The following ANXA2 variants were observed in gnomAD, a reference collection of about 807,000 sequenced individuals.
ANXA2 encodes the protein annexin II.
ANXA2 carries 28 observed loss-of-function variants against 47.3 expected under a neutral mutation model. The ratio of observed to expected loss-of-function variants is 0.59; its 90% CI spans 0.44 to 0.81. The LOEUF is 0.81. Among genes scored for constraint, ANXA2 ranks in the 40% least tolerant of loss-of-function variants. ANXA2 has a pLI of 0.00. For missense variants in ANXA2, 384 were observed against 414.3 expected, an observed-to-expected ratio of 0.93 and a Z score of 0.64; for synonymous variants, 172 against 155.5, an observed-to-expected ratio of 1.11 and a Z score of -0.79.
chr15:60,397,086 C>T (rs750672136), intron 1 of ANXA2, among the ~76,000 whole-genome samples: 4 of 152,152 alleles, frequency 2.6e-5, no homozygotes, highest in Non-Finnish European at 5.9e-5. Flanking sequence ...TCTCAACAGC[C>T]GGCTGATGGA....
chr15:60,392,941 C>CT (rs1491169192), intron 1 of ANXA2: 27 of 753,258 alleles, frequency 3.6e-5, no homozygotes, highest in Admixed American at 2.0e-4. Flanking sequence ...GAATTTTAAA[C>CT]TAAAAAAAAA....
At chr15:60,386,005 T>C (rs759404402) in intron 2 of ANXA2, 23 bp downstream of exon 2, 7 of 1,582,894 alleles carry the variant, frequency 4.4e-6, no homozygotes, top group Admixed American at 1.8e-5. Context: ...AAAAATTATA[T>C]AAAGTGAAAG....
At chr15:60,359,155 C>A (rs1051640062) in intron 5 of ANXA2, among the ~76,000 whole-genome samples, 1 of 152,160 alleles carries the variant, frequency 6.6e-6, no homozygotes, top group African/African-American at 2.4e-5. Flanking sequence ...ACTGTGATAG[C>A]TAATGGAAGA....
At chr15:60,374,257 T>C (rs2062748246) in intron 3 of ANXA2, among the ~76,000 whole-genome samples, 1 of 152,182 alleles carries the variant, frequency 6.6e-6, no homozygotes, top group African/African-American at 2.4e-5. Flanking sequence ...ATTATATTTC[T>C]GAAACAAGCT....
At chr15:60,366,617 C>T (rs190147861) in intron 3 of ANXA2, among the ~76,000 whole-genome samples, 1 of 145,084 alleles carries the variant, frequency 6.9e-6, no homozygotes, top group Non-Finnish European at 1.5e-5. Context: ...CGGCAACCAC[C>T]CCGTCTGGGA....
chr15:60,390,309 AT>A (rs1414353145), intron 1 of ANXA2: 2 of 1,052,790 alleles, frequency 1.9e-6, no homozygotes, highest in Non-Finnish European at 2.3e-6. Flanking sequence ...AATGGCAAAC[AT>A]TTTCACCCTA....
At chr15:60,385,324 T>A (rs552538896) in intron 2 of ANXA2, among the ~76,000 whole-genome samples, 1 of 152,160 alleles carries the variant, frequency 6.6e-6, no homozygotes, top group African/African-American at 2.4e-5. Context: ...TCCCAGCACT[T>A]TGGGAGGCCA....
At chr15:60,378,646 A>G (rs976839936) in intron 3 of ANXA2, among the ~76,000 whole-genome samples, 1 of 152,202 alleles carries the variant, frequency 6.6e-6, no homozygotes, top group African/African-American at 2.4e-5. Flanking sequence ...TGCAAAACCT[A>G]CTTACTCTCT....
intron 1 of ANXA2, among the ~76,000 whole-genome samples, chr15:60,397,676 T>C (rs553756745): frequency 6.8e-6 from 1 of 147,986 alleles, no homozygotes; most frequent in South Asian, 2.2e-4. Flanking sequence ...CTAGGGCTTC[T>C]TAGAGAAGCC....
intron 3 of ANXA2, among the ~76,000 whole-genome samples, chr15:60,379,161 C>T (rs2062821130): frequency 6.6e-6 from 1 of 151,762 alleles, no homozygotes; most frequent in Non-Finnish European, 1.5e-5. Context: ...CACCTGTAAT[C>T]CCAGCTACTC....
Position 60,349,101 on chromosome 15 carries a change from C to G in ANXA2, c.934G>C (p.Gly312Arg), listed in dbSNP as rs61731031. Residue 312 changes from glycine to arginine, a missense_variant, in exon 12 of 13, where the codon GGC becomes CGC. Coordinates refer to ENST00000451270, the MANE Select transcript of ANXA2 (RefSeq NM_004039.3). ...TGGATATAATAGTACAGGGACTTGC[C>G]GTACTTTCTCTTGAATTCAGACCTA... ...KIRSEFKRKY[G>R]KSLYYYIQQD... 2.5e-6 allele frequency: 4 copies of G among 1,614,034 alleles called. No individual in the cohort carries two copies. Among genetic ancestry groups the G allele is most frequent in the Non-Finnish European group, 3.4e-6 (4 of 1,179,980 alleles).
intron 1 of ANXA2, 97 bp downstream of exon 1, chr15:60,397,846 C>T: frequency 7.2e-7 from 1 of 1,386,370 alleles, no homozygotes; most frequent in Non-Finnish European, 9.3e-7. Flanking sequence ...GGGCCAGTTG[C>T]CGGGGCCTCC....
At chr15:60,373,318 G>C (rs1344643413) in intron 3 of ANXA2, among the ~76,000 whole-genome samples, 2 of 152,212 alleles carry the variant, frequency 1.3e-5, no homozygotes, top group Non-Finnish European at 2.9e-5. Flanking sequence ...GAAAGAGCTA[G>C]AAGACTCTCT....
At chr15:60,372,825 C>G (rs147925384) in intron 3 of ANXA2, among the ~76,000 whole-genome samples, 1 of 151,658 alleles carries the variant, frequency 6.6e-6, no homozygotes, top group African/African-American at 2.4e-5. Flanking sequence ...TCCTGAGTAG[C>G]TGGAAGCACA....
chr15:60,350,394 G>A (rs1289105371), intron 11 of ANXA2, among the ~76,000 whole-genome samples: 2 of 152,072 alleles, frequency 1.3e-5, no homozygotes, highest in Admixed American at 6.5e-5. Flanking sequence ...GGCTTAGAGG[G>A]AACATGCCAA....
intron 1 of ANXA2, among the ~76,000 whole-genome samples, chr15:60,391,961 C>G (rs1426107717): frequency 6.6e-6 from 1 of 151,844 alleles, no homozygotes; most frequent in African/African-American, 2.4e-5. Context: ...ACATCAGTGC[C>G]GTGCCTTCCA....
intron 1 of ANXA2, among the ~76,000 whole-genome samples, chr15:60,394,209 C>T (rs759630500): frequency 2.0e-5 from 3 of 152,160 alleles, no homozygotes; most frequent in Non-Finnish European, 2.9e-5. Context: ...GCAGGATGTA[C>T]GAGTGGCCTT....
At chr15:60,382,140 G>C (rs1319353706) in intron 3 of ANXA2, among the ~76,000 whole-genome samples, 2 of 151,180 alleles carry the variant, frequency 1.3e-5, no homozygotes, top group East Asian at 3.9e-4. Flanking sequence ...GGAGAAGGGA[G>C]GGAAGGAGAA....
In ANXA2 at chr15:60,382,461, A is replaced by T. The variant is rs368142886; in HGVS notation, c.49-20T>A. ...AGAGTGCTGAGGTTAAAAGATAAAC[A>T]TACTCAAATGACACACATTTAAAAT... On this transcript the variant is annotated intron_variant, in intron 2 of 12. Coordinates refer to ENST00000451270, the MANE Select transcript of ANXA2 (RefSeq NM_004039.3). 6.6e-7 allele frequency: 1 copy of T among 1,523,008 alleles called. No homozygotes were observed. The highest frequency in any genetic ancestry group is 1.7e-5 in the Admixed American group (1 of 59,082). The allele number at this position is 1,523,008 out of a possible 1,614,324, so 94.3% of individuals were successfully genotyped here. A position where few individuals can be genotyped will look rare whatever the true frequency, so the allele number is the denominator to read the frequency against.
Sources: gnomAD v4.1 joint callset for allele counts (sites outside exome capture counted in the v4.1 genomes callset) on GRCh38, gnomAD v4.1.1 for gene constraint, MANE v1.5 for transcripts, NCBI Gene and HGNC (gene_info 2026-07-23, HGNC 2026-07-21) for gene names.